MNAT1: variants seen among roughly 807,000 people sequenced by gnomAD.
MNAT1 encodes the protein MNAT1 component of CDK activating kinase, also known as CDK-activating kinase assembly factor MAT1.
A neutral mutation model predicts 42.0 loss-of-function variants in MNAT1; 43 were observed. That is an observed-to-expected ratio of 1.02 (90% CI 0.80 to 1.32). The LOEUF (loss-of-function observed/expected upper bound fraction) is 1.32, where lower values mean the gene tolerates loss of function less well. Among genes scored for constraint, MNAT1 ranks in the 40% most tolerant of loss-of-function variants. The pLI is 0.00. For synonymous variants in MNAT1, 118 were observed against 120.0 expected (o/e 0.98, Z 0.11); for missense variants, 306 against 350.4 (o/e 0.87, Z 1.01).
chr14:60,931,808 T>G (rs1286124215), intron 7 of MNAT1, among the ~76,000 whole-genome samples: 1 of 152,112 alleles, frequency 6.6e-6, no homozygotes, highest in Non-Finnish European at 1.5e-5. Flanking sequence ...TGAAAAGAGC[T>G]GCTTAATTGT....
chr14:60,849,683 A>C (rs1034843087), intron 6 of MNAT1, among the ~76,000 whole-genome samples: 2 of 152,180 alleles, frequency 1.3e-5, no homozygotes, highest in African/African-American at 4.8e-5. Context: ...GGACAGTGGA[A>C]ATCAGAGTGA....
rs200414763 is a variant in MNAT1, at chr14:60,962,975, A to ATGTTTTTTGTTTTT, written c.810-5245_810-5232dup. Reference sequence around the variant, plus strand: ...TTTTGTTTGGACTTCATGAAGCCATATGTTTTTTGTTTTTTGTTTTTTTTA... The same window carrying ATGTTTTTTGTTTTT: ...TTTTGTTTGGACTTCATGAAGCCATATGTTTTTTGTTTTTTGTTTTTTGTTTTTTGTTTTTTTTA... On this transcript the variant is annotated intron_variant, in intron 7 of 7. Transcript: ENST00000261245. 1.4e-3 allele frequency among the ~76,000 whole-genome samples: 216 copies of ATGTTTTTTGTTTTT among 151,774 alleles called. 1 individual carries two copies. The highest frequency in any genetic ancestry group is 5.2e-3 in the African/African-American group (213 of 41,348).
At chr14:60,807,819 C>G (rs753710926) in intron 3 of MNAT1, among the ~76,000 whole-genome samples, 1 of 151,868 alleles carries the variant, frequency 6.6e-6, no homozygotes, top group Admixed American at 6.6e-5. Flanking sequence ...TCATACGTTT[C>G]TAGAGCTAGA....
At chr14:60,876,739 A>G (rs1319727777) in intron 6 of MNAT1, among the ~76,000 whole-genome samples, 1 of 152,032 alleles carries the variant, frequency 6.6e-6, no homozygotes, top group African/African-American at 2.4e-5. Flanking sequence ...CCATGTTGTC[A>G]TATGTCAAAA....
At chr14:60,817,603 C>A (rs1018617245) in intron 5 of MNAT1, among the ~76,000 whole-genome samples, 2 of 151,976 alleles carry the variant, frequency 1.3e-5, no homozygotes, top group Non-Finnish European at 2.9e-5. Flanking sequence ...TAACCTTAAA[C>A]CAATTCCTTT....
chr14:60,751,489 G>C (rs2030090597), intron 1 of MNAT1, among the ~76,000 whole-genome samples: 1 of 151,880 alleles, frequency 6.6e-6, no homozygotes. Context: ...TGATATATAA[G>C]CAATGACATA....
chr14:60,850,494 C>T (rs1026570813), intron 6 of MNAT1, among the ~76,000 whole-genome samples: 1 of 152,112 alleles, frequency 6.6e-6, no homozygotes, highest in East Asian at 1.9e-4. Context: ...TTTTCCTTGC[C>T]TTTATACAGA....
At chr14:60,807,386 C>T (rs2032405687) in intron 3 of MNAT1, among the ~76,000 whole-genome samples, 1 of 151,982 alleles carries the variant, frequency 6.6e-6, no homozygotes, top group Non-Finnish European at 1.5e-5. Context: ...TAGGGTAGAT[C>T]CGTCTTGTTT....
intron 1 of MNAT1, among the ~76,000 whole-genome samples, chr14:60,768,015 C>T (rs1185990597): frequency 2.0e-5 from 3 of 152,162 alleles, no homozygotes; most frequent in Admixed American, 6.5e-5. Flanking sequence ...CTGCCTGCCT[C>T]GGCCTCCCAA....
intron 7 of MNAT1, among the ~76,000 whole-genome samples, chr14:60,886,988 G>A (rs558451511): frequency 6.6e-6 from 1 of 152,162 alleles, no homozygotes; most frequent in East Asian, 1.9e-4. Flanking sequence ...ATAATGTTAG[G>A]CATAGGCCTT....
chr14:60,890,129 C>A (rs1347595313), intron 7 of MNAT1, among the ~76,000 whole-genome samples: 2 of 152,144 alleles, frequency 1.3e-5, no homozygotes, highest in African/African-American at 4.8e-5. Flanking sequence ...ATAAATCATG[C>A]TGCTATAAAG....
chr14:60,846,668 T>G (rs2033690788), intron 6 of MNAT1, among the ~76,000 whole-genome samples: 1 of 152,240 alleles, frequency 6.6e-6, no homozygotes, highest in Non-Finnish European at 1.5e-5. Flanking sequence ...ATGGATTATT[T>G]AGAGGTTGTT....
chr14:60,855,432 A>C (rs2033932285), intron 6 of MNAT1, among the ~76,000 whole-genome samples: 2 of 152,096 alleles, frequency 1.3e-5, no homozygotes, highest in Non-Finnish European at 1.5e-5. Context: ...TCTGAAACCC[A>C]GGGCCCTGGT....
chr14:60,885,512 G>T lies in MNAT1; in HGVS notation c.809+5677G>T, dbSNP rs529343216. Among the ~76,000 whole-genome samples, 33 of 152,068 alleles carry T rather than the reference G, an allele frequency of 2.2e-4. No individual in the cohort carries two copies. In the East Asian group the frequency reaches 5.8e-3, roughly 27 times the overall value. On this transcript the variant is annotated intron_variant, in intron 7 of 7. Coordinates refer to ENST00000261245, the MANE Select transcript of MNAT1 (RefSeq NM_002431.4). ...TTGTATTTTCTTGATGATTAGTGATGTTGAGCAGCTTTTCATACACCTTTT... is the reference window on the plus strand; with the variant it reads ...TTGTATTTTCTTGATGATTAGTGATTTTGAGCAGCTTTTCATACACCTTTT...
intron 7 of MNAT1, among the ~76,000 whole-genome samples, chr14:60,966,779 G>T (rs1324844237): frequency 6.6e-6 from 1 of 152,130 alleles, no homozygotes; most frequent in African/African-American, 2.4e-5. Flanking sequence ...CTTCCAAAGT[G>T]CTGGGTTACA....
At chr14:60,909,911 G>T in intron 7 of MNAT1, among the ~76,000 whole-genome samples, 1 of 151,872 alleles carries the variant, frequency 6.6e-6, no homozygotes, top group Non-Finnish European at 1.5e-5. Flanking sequence ...AAATTACCTT[G>T]GGCAGTATGG....
chr14:60,920,876 G>A (rs775716825), intron 7 of MNAT1, among the ~76,000 whole-genome samples: 3 of 152,136 alleles, frequency 2.0e-5, no homozygotes, highest in Admixed American at 2.0e-4. Flanking sequence ...TGAGTTGTTA[G>A]GAAATTATTA....
chr14:60,741,842 C>T (rs943883563), intron 1 of MNAT1, among the ~76,000 whole-genome samples: 1 of 151,744 alleles, frequency 6.6e-6, no homozygotes, highest in African/African-American at 2.4e-5. Context: ...TTGTGTCTGT[C>T]TCTGGGAGAC....
intron 1 of MNAT1, among the ~76,000 whole-genome samples, chr14:60,748,005 G>A (rs1053796991): frequency 7.2e-5 from 11 of 152,062 alleles, no homozygotes; most frequent in African/African-American, 2.2e-4. Context: ...GACCATCCTG[G>A]CTAACACAGT....
Sources: allele counts gnomAD v4.1 joint callset (sites outside exome capture counted in the v4.1 genomes callset), GRCh38; gene constraint gnomAD v4.1.1; transcripts MANE v1.5; gene names NCBI Gene and HGNC (gene_info 2026-07-23, HGNC 2026-07-21).